Variants in FYB1 observed in about 807,000 individuals in gnomAD.
FYB1 encodes FYN-binding protein 1.
Under a neutral mutation model 94.1 loss-of-function variants are expected in FYB1, and 41 were observed. That is an observed-to-expected ratio of 0.44 (90% CI 0.34 to 0.57). The LOEUF (loss-of-function observed/expected upper bound fraction) is 0.57, where lower values mean the gene tolerates loss of function less well. Ranked by LOEUF, FYB1 falls within the 20% of genes least tolerant of loss-of-function variation. The pLI is 0.02. For missense variants in FYB1, 1,050 were observed against 976.8 expected (o/e 1.07, Z -1.00); for synonymous variants, 367 against 353.2 (o/e 1.04, Z -0.44).
At chr5:39,271,683 T>C (rs1232726077) in intron 1 of FYB1, among the ~76,000 whole-genome samples, 3 of 152,118 alleles carry the variant, frequency 2.0e-5, no homozygotes, top group African/African-American at 7.2e-5. Flanking sequence ...AAGACATAAT[T>C]AGAAATTAAT....
intron 1 of FYB1, among the ~76,000 whole-genome samples, chr5:39,253,782 C>T (rs1751828554): frequency 6.6e-6 from 1 of 152,186 alleles, no homozygotes; most frequent in Non-Finnish European, 1.5e-5. Flanking sequence ...CAGATTATTT[C>T]ATCACCCAGG....
chr5:39,165,478 C>T (rs1159396977), intron 2 of FYB1, among the ~76,000 whole-genome samples: 1 of 152,116 alleles, frequency 6.6e-6, no homozygotes. Context: ...TCACCATACA[C>T]AAGAAATTAA....
intron 2 of FYB1, among the ~76,000 whole-genome samples, chr5:39,160,205 G>A (rs1021255633): frequency 3.3e-5 from 5 of 152,218 alleles, no homozygotes; most frequent in Admixed American, 2.6e-4. Flanking sequence ...TCTCATCTGC[G>A]AAATGGTCAC....
At chr5:39,143,168 A>G (rs1257767082) in intron 3 of FYB1, among the ~76,000 whole-genome samples, 1 of 152,106 alleles carries the variant, frequency 6.6e-6, no homozygotes, top group Admixed American at 6.6e-5. Context: ...ATTCAAATAT[A>G]TACATCTTGG....
chr5:39,124,915 C>CCA (rs56887056), intron 12 of FYB1, among the ~76,000 whole-genome samples: 25,588 of 139,388 alleles, frequency 0.18, 2,346 homozygotes, highest in Non-Finnish European at 0.22. Context: ...TAAATACACT[C>CCA]CACACACACA....
intron 1 of FYB1, among the ~76,000 whole-genome samples, chr5:39,269,106 G>A (rs935185043): frequency 6.6e-6 from 1 of 152,004 alleles, no homozygotes; most frequent in Non-Finnish European, 1.5e-5. Context: ...CTAGAGCGCA[G>A]TGGCGTGATC....
chr5:39,260,095 A>T (rs1159203733), intron 1 of FYB1, among the ~76,000 whole-genome samples: 1 of 152,236 alleles, frequency 6.6e-6, no homozygotes, highest in Non-Finnish European at 1.5e-5. Context: ...AAAATCATGG[A>T]GGATAGGTGA....
chr5:39,246,267 T>C lies in FYB1; in HGVS notation c.-28+28136A>G, dbSNP rs1387061124. Reference sequence around the variant, plus strand: ...CAGAGTTGTTCTATGACTTCATCCATCTGTCCACTAACCCATAAAATTGTA... The same window carrying C: ...CAGAGTTGTTCTATGACTTCATCCACCTGTCCACTAACCCATAAAATTGTA... On this transcript the variant is annotated intron_variant, in intron 1 of 1. Transcript: ENST00000510188. 6.6e-5 allele frequency among the ~76,000 whole-genome samples: 10 copies of C among 152,264 alleles called. No homozygotes were observed. The South Asian group carries it at 2.1e-3, about 32-fold the overall frequency.
Position 39,107,410 on chromosome 5 carries a change from TA to T in FYB1, c.*32del. 6.7e-7 allele frequency: 1 copy of T among 1,483,656 alleles called. No homozygotes were observed. The highest frequency in any genetic ancestry group is 9.0e-7 in the Non-Finnish European group (1 of 1,106,456). 91.9% of individuals were successfully genotyped at this position (1,483,656 alleles called of 1,614,324 possible). On this transcript the variant is annotated 3_prime_UTR_variant, in exon 19 of 19. Coordinates refer to ENST00000512982, the MANE Select transcript of FYB1 (RefSeq NM_001465.6). ...AAAATCCAGACTTCACATTGGCACCTAATGAACACAGCAGAATGACCAAAGT... is the reference window on the plus strand; with the variant it reads ...AAAATCCAGACTTCACATTGGCACCTATGAACACAGCAGAATGACCAAAGT...
chr5:39,175,943 C>A, intron 2 of FYB1, among the ~76,000 whole-genome samples: 1 of 151,978 alleles, frequency 6.6e-6, no homozygotes, highest in South Asian at 2.1e-4. Context: ...ACATCAGTGA[C>A]ATTCAAGAAT....
At chr5:39,179,257 A>C (rs894792266) in intron 2 of FYB1, among the ~76,000 whole-genome samples, 90 of 152,288 alleles carry the variant, frequency 5.9e-4, no homozygotes, top group African/African-American at 2.1e-3. Flanking sequence ...GCTCGGATTC[A>C]AACCCAGACA....
chr5:39,183,192 G>T (rs1746419528), intron 2 of FYB1, among the ~76,000 whole-genome samples: 1 of 152,034 alleles, frequency 6.6e-6, no homozygotes, highest in African/African-American at 2.4e-5. Flanking sequence ...CTCCATGTTG[G>T]TCAGGCTGGT....
intron 16 of FYB1, chr5:39,110,822 T>C (rs999669219): frequency 8.1e-6 from 3 of 371,282 alleles, no homozygotes. Context: ...TTTTATTATA[T>C]TGAGCAGAGA....
chr5:39,164,419 C>G (rs566846329), intron 2 of FYB1, among the ~76,000 whole-genome samples: 2 of 152,088 alleles, frequency 1.3e-5, no homozygotes, highest in Non-Finnish European at 2.9e-5. Context: ...TTTTGGGCTA[C>G]GTTCTTTTTT....
chr5:39,168,862 A>G (rs1404519896), intron 2 of FYB1, among the ~76,000 whole-genome samples: 2 of 152,114 alleles, frequency 1.3e-5, no homozygotes, highest in African/African-American at 2.4e-5. Flanking sequence ...ACTAAATACA[A>G]TTAGTTTCCC....
At chr5:39,149,300 C>T (rs528463203) in intron 3 of FYB1, among the ~76,000 whole-genome samples, 93 of 152,246 alleles carry the variant, frequency 6.1e-4, no homozygotes, top group African/African-American at 2.2e-3. Flanking sequence ...TGATAAAGTC[C>T]ACCCTGTCTT....
In FYB1 at chr5:39,119,646, G is replaced by A. The variant is rs1739902582; in HGVS notation, c.2139-12C>T. ...CATTAGTTCCTTGACTAGAACGGCAGAACACACATAAAACAACACTTTGTT... is the reference window on the plus strand; with the variant it reads ...CATTAGTTCCTTGACTAGAACGGCAAAACACACATAAAACAACACTTTGTT... On this transcript the variant is annotated splice_polypyrimidine_tract_variant and intron_variant, in intron 14 of 18. Transcript: ENST00000512982. 3 of 1,505,194 alleles carry A rather than the reference G, an allele frequency of 2.0e-6. No homozygotes were observed. In the African/African-American group the frequency reaches 4.2e-5, roughly 21 times the overall value. 93.2% of individuals were successfully genotyped at this position (1,505,194 alleles called of 1,614,324 possible). A position where few individuals can be genotyped will look rare whatever the true frequency, so the allele number is the denominator to read the frequency against.
At chr5:39,154,234 T>C (rs1743541872) in intron 2 of FYB1, among the ~76,000 whole-genome samples, 1 of 152,226 alleles carries the variant, frequency 6.6e-6, no homozygotes, top group Non-Finnish European at 1.5e-5. Context: ...ATCTGCTAAA[T>C]AGTGACTAGA....
chr5:39,240,276 G>A (rs1031066524), intron 1 of FYB1, among the ~76,000 whole-genome samples: 3 of 152,178 alleles, frequency 2.0e-5, no homozygotes, highest in South Asian at 2.1e-4. Flanking sequence ...AAGATTTCAT[G>A]ACAAAGATGC....
Sources: allele counts gnomAD v4.1 joint callset (sites outside exome capture counted in the v4.1 genomes callset), GRCh38; gene constraint gnomAD v4.1.1; transcripts MANE v1.5; gene names NCBI Gene and HGNC (gene_info 2026-07-23, HGNC 2026-07-21).